The following CACNA2D1 variants were observed in gnomAD, a reference collection of about 807,000 sequenced individuals.
CACNA2D1 encodes voltage-dependent calcium channel subunit alpha-2/delta-1.
A neutral mutation model predicts 171.5 loss-of-function variants in CACNA2D1; 53 were observed. That is an observed-to-expected ratio of 0.31 (90% CI 0.25 to 0.39). The LOEUF (loss-of-function observed/expected upper bound fraction) is 0.39. Among genes scored for constraint, CACNA2D1 ranks in the 10% least tolerant of loss-of-function variants. The pLI is 1.00. For synonymous variants in CACNA2D1, 442 were observed against 443.1 expected (o/e 1.00, Z 0.03); for missense variants, 903 against 1,299.8 (o/e 0.69, Z 4.69).
At chr7:82,215,798 A>C (rs2129235559) in intron 3 of CACNA2D1, among the ~76,000 whole-genome samples, 1 of 152,246 alleles carries the variant, frequency 6.6e-6, no homozygotes, top group South Asian at 2.1e-4. Context: ...TTCTTAAATC[A>C]CTAAAATTCA....
At chr7:82,322,156 A>C (rs1373311045) in intron 3 of CACNA2D1, among the ~76,000 whole-genome samples, 1 of 123,738 alleles carries the variant, frequency 8.1e-6, no homozygotes, top group African/African-American at 3.1e-5. Flanking sequence ...AAAAAAAAAC[A>C]AGCTAAGCAA....
At chr7:82,277,709 C>T (rs1315507368) in intron 3 of CACNA2D1, among the ~76,000 whole-genome samples, 2 of 131,334 alleles carry the variant, frequency 1.5e-5, no homozygotes, top group African/African-American at 5.7e-5. Flanking sequence ...TGAAGATTGT[C>T]ATAAAAAAAT....
intron 3 of CACNA2D1, among the ~76,000 whole-genome samples, chr7:82,267,802 G>T (rs1808070745): frequency 6.6e-6 from 1 of 152,184 alleles, no homozygotes. Flanking sequence ...AGACCATCCT[G>T]GCTAACACGG....
chr7:82,061,926 T>C (rs1193749337), intron 9 of CACNA2D1, among the ~76,000 whole-genome samples: 3 of 152,050 alleles, frequency 2.0e-5, no homozygotes, highest in African/African-American at 7.2e-5. Flanking sequence ...TGAAAAGATA[T>C]CTCAAAAGCC....
chr7:82,176,342 T>C (rs1310622581), intron 3 of CACNA2D1, among the ~76,000 whole-genome samples: 1 of 151,996 alleles, frequency 6.6e-6, no homozygotes, highest in Non-Finnish European at 1.5e-5. Context: ...ACAATGCAGC[T>C]GAAATTCATA....
intron 3 of CACNA2D1, among the ~76,000 whole-genome samples, chr7:82,269,130 C>T (rs1808297143): frequency 6.6e-6 from 1 of 152,136 alleles, no homozygotes; most frequent in African/African-American, 2.4e-5. Context: ...CTATATCTCC[C>T]ATCGCCTCTA....
intron 1 of CACNA2D1, among the ~76,000 whole-genome samples, chr7:82,394,196 C>T (rs73704245): frequency 0.024 from 3,614 of 152,064 alleles, 142 homozygotes; most frequent in African/African-American, 0.083. Context: ...TTTCTTGATA[C>T]GTCTACCTGC....
At chr7:82,200,231 A>G (rs1799273773) in intron 3 of CACNA2D1, among the ~76,000 whole-genome samples, 1 of 152,132 alleles carries the variant, frequency 6.6e-6, no homozygotes, top group African/African-American at 2.4e-5. Context: ...TTGTTTAGCA[A>G]AAAAGCAAGG....
chr7:82,108,155 A>C (rs909220851), intron 6 of CACNA2D1, among the ~76,000 whole-genome samples: 2 of 152,202 alleles, frequency 1.3e-5, no homozygotes, highest in Non-Finnish European at 2.9e-5. Context: ...TGAAAAAGTG[A>C]TTATGTGAAT....
chr7:81,978,372 A>G (rs984363234), intron 24 of CACNA2D1, among the ~76,000 whole-genome samples: 2 of 152,186 alleles, frequency 1.3e-5, no homozygotes, highest in African/African-American at 2.4e-5. Flanking sequence ...TAAAGAAAAT[A>G]TAACACAAAT....
chr7:82,254,646 C>A (rs933448994), intron 3 of CACNA2D1, among the ~76,000 whole-genome samples: 11 of 152,024 alleles, frequency 7.2e-5, no homozygotes, highest in Non-Finnish European at 1.5e-4. Context: ...GGTTGTGTGG[C>A]CTTTCTTTGC....
rs568553202 is a variant in CACNA2D1, at chr7:82,162,376, G to A, written c.354+8174C>T. Among the ~76,000 whole-genome samples, 288 of 151,950 alleles carry A rather than the reference G, an allele frequency of 1.9e-3. 2 individuals carry two copies. Among genetic ancestry groups the A allele is most frequent in the African/African-American group, 6.0e-3 (250 of 41,494 alleles). On this transcript the variant is annotated intron_variant, in intron 4 of 38. Transcript: ENST00000356860. The stretch of plus-strand genomic sequence containing the variant: ...AAAGTGAAAAAACTTTTTGATTAAC[G>A]AAAGAGAAGATAGCATAAGAAAGAA...
intron 3 of CACNA2D1, among the ~76,000 whole-genome samples, chr7:82,217,349 T>A (rs1435081038): frequency 1.1e-4 from 13 of 122,658 alleles, no homozygotes; most frequent in Non-Finnish European, 1.9e-4. Context: ...CCTGCCTTTT[T>A]AAAAAAAAAA....
intron 1 of CACNA2D1, among the ~76,000 whole-genome samples, chr7:82,374,678 T>C (rs578011556): frequency 1.3e-4 from 19 of 151,972 alleles, no homozygotes; most frequent in African/African-American, 3.9e-4. Context: ...AAGCTTTTTA[T>C]ACAGCAGTGC....
At chr7:82,364,288 C>A (rs1198641225) in intron 1 of CACNA2D1, among the ~76,000 whole-genome samples, 1 of 152,112 alleles carries the variant, frequency 6.6e-6, no homozygotes, top group Non-Finnish European at 1.5e-5. Context: ...GAGACAAGAA[C>A]ATAGCAAATG....
At chr7:82,416,682 G>T (rs1828203143) in intron 1 of CACNA2D1, among the ~76,000 whole-genome samples, 1 of 152,064 alleles carries the variant, frequency 6.6e-6, no homozygotes, top group Non-Finnish European at 1.5e-5. Context: ...GCATCATATT[G>T]AATTAAGGGC....
chr7:82,087,782 G>A (rs1312584872), intron 6 of CACNA2D1, among the ~76,000 whole-genome samples: 1 of 151,960 alleles, frequency 6.6e-6, no homozygotes, highest in South Asian at 2.1e-4. Flanking sequence ...GATTACTAAA[G>A]TGCCCAACAT....
intron 10 of CACNA2D1, among the ~76,000 whole-genome samples, chr7:82,040,967 C>T (rs556425439): frequency 1.3e-5 from 2 of 151,854 alleles, no homozygotes; most frequent in East Asian, 3.9e-4. Context: ...AAGAGCGAAA[C>T]TCCATCTCAG....
intron 18 of CACNA2D1, 177 bp downstream of exon 18, chr7:82,005,246 T>C (rs563593969): frequency 7.2e-6 from 4 of 554,608 alleles, no homozygotes; most frequent in East Asian, 6.0e-5. Flanking sequence ...TGAAAACTGC[T>C]TTCACACTTT....
Sources: gnomAD v4.1 joint callset for allele counts (sites outside exome capture counted in the v4.1 genomes callset) on GRCh38, gnomAD v4.1.1 for gene constraint, MANE v1.5 for transcripts, NCBI Gene and HGNC (gene_info 2026-07-23, HGNC 2026-07-21) for gene names.